CSMD2: variants seen among roughly 807,000 people sequenced by gnomAD.
CSMD2 encodes the protein CUB and sushi domain-containing protein 2.
In CSMD2, 130 loss-of-function variants were observed where a neutral mutation model predicts 398.5. That is an observed-to-expected ratio of 0.33 (90% CI 0.28 to 0.38). CSMD2 has a LOEUF of 0.38. CSMD2 is among the 10% of genes least tolerant of loss of function. The pLI, the probability that CSMD2 is intolerant of heterozygous loss-of-function variation, is 1.00. For synonymous variants in CSMD2, 1,828 were observed against 1,908.5 expected, an observed-to-expected ratio of 0.96 and a Z score of 1.10; for missense variants, 3,829 against 4,764.9, an observed-to-expected ratio of 0.80 and a Z score of 5.78.
In CSMD2 at chr1:33,551,468, T is replaced by G. The variant is rs1247879788; in HGVS notation, c.8744-1118A>C. ...TAATGTCTTGGAGTCTGGTAGGAGA[T>G]CCCTGTAGACATCATACCCAGAAAG... On this transcript the variant is annotated intron_variant, in intron 55 of 70. Transcript: ENST00000373381. Among the ~76,000 whole-genome samples the G allele has an allele frequency of 8.5e-5, 13 of 152,232 alleles. No individual in the cohort carries two copies. The East Asian group carries it at 2.5e-3, about 29-fold the overall frequency.
chr1:33,563,323 A>G (rs1359287961), intron 53 of CSMD2, among the ~76,000 whole-genome samples: 1 of 152,100 alleles, frequency 6.6e-6, no homozygotes, highest in African/African-American at 2.4e-5. Flanking sequence ...CTAAGGAGGC[A>G]GGAGGGAAGG....
intron 12 of CSMD2, among the ~76,000 whole-genome samples, chr1:33,775,390 G>A (rs1380581019): frequency 6.6e-6 from 1 of 152,154 alleles, no homozygotes; most frequent in Non-Finnish European, 1.5e-5. Flanking sequence ...TGCATTAAGT[G>A]TTATTTATCT....
At chr1:34,098,582 G>A (rs1659636909) in intron 1 of CSMD2, among the ~76,000 whole-genome samples, 1 of 151,882 alleles carries the variant, frequency 6.6e-6, no homozygotes, top group Admixed American at 6.6e-5. Flanking sequence ...TGGTCCAGGA[G>A]TAAACAGGTA....
At chr1:33,642,368 A>G (rs564758466) in intron 29 of CSMD2, among the ~76,000 whole-genome samples, 80 of 150,840 alleles carry the variant, frequency 5.3e-4, no homozygotes, top group African/African-American at 1.9e-3. Flanking sequence ...AAAAAAAAGG[A>G]AAGAAAACAA....
chr1:33,852,802 G>C (rs1045838866), intron 5 of CSMD2, among the ~76,000 whole-genome samples: 1 of 152,218 alleles, frequency 6.6e-6, no homozygotes, highest in Admixed American at 6.5e-5. Flanking sequence ...GCAAACTATA[G>C]CTTGCTGCCT....
At chr1:34,162,953 G>A (rs1178218405) in intron 1 of CSMD2, among the ~76,000 whole-genome samples, 1 of 152,220 alleles carries the variant, frequency 6.6e-6, no homozygotes. Flanking sequence ...ACTACCCCAA[G>A]CCATGAACAC....
rs982365873 is a variant in CSMD2 at position 33,518,241 on chromosome 1, G to A, written c.*53+1224C>T. Among the ~76,000 whole-genome samples the A allele has an allele frequency of 7.9e-5, 12 of 152,376 alleles. No individual in the cohort carries two copies. Among genetic ancestry groups the A allele is most frequent in the East Asian group, 7.7e-4 (4 of 5,184 alleles). ...CTCAGAGGGGTGCAGCTTGGACATCGTGTTGGGGCAACTCCTGAAGGGTCA... is the reference window on the plus strand; with the variant it reads ...CTCAGAGGGGTGCAGCTTGGACATCATGTTGGGGCAACTCCTGAAGGGTCA... On this transcript the variant is annotated intron_variant, in intron 70 of 70. Coordinates refer to ENST00000373381, the MANE Select transcript of CSMD2 (RefSeq NM_001281956.2). The surrounding 1 kb of genome is among the most constrained non-coding windows in gnomAD (Gnocchi z 4.3).
chr1:33,552,311 G>A (rs140286881), intron 55 of CSMD2, among the ~76,000 whole-genome samples: 158 of 152,308 alleles, frequency 1.0e-3, no homozygotes, highest in African/African-American at 3.6e-3. Context: ...TGGTAGAAAC[G>A]GAAAATGGTG....
chr1:33,684,288 T>C (rs1013598448), intron 25 of CSMD2, among the ~76,000 whole-genome samples: 6 of 152,192 alleles, frequency 3.9e-5, no homozygotes, highest in Non-Finnish European at 8.8e-5. Flanking sequence ...TCCCTGTGTG[T>C]TAATCATTAA....
chr1:33,645,010 A>G (rs753261149), intron 29 of CSMD2, among the ~76,000 whole-genome samples: 12 of 152,172 alleles, frequency 7.9e-5, no homozygotes, highest in Non-Finnish European at 1.6e-4. Flanking sequence ...GAGGAGTCCA[A>G]TGAGTTGATG....
At chr1:33,832,760 T>G (rs79024726) in intron 6 of CSMD2, among the ~76,000 whole-genome samples, 44,368 of 150,790 alleles carry the variant, frequency 0.29, 7,206 homozygotes, top group South Asian at 0.47. Context: ...CTAGCAAGAC[T>G]AATAAAGAAG....
intron 3 of CSMD2, among the ~76,000 whole-genome samples, chr1:33,938,273 A>T (rs1302767517): frequency 1.3e-5 from 2 of 151,716 alleles, no homozygotes; most frequent in Non-Finnish European, 3.0e-5. Context: ...AGCATTTCCC[A>T]TGATCCTGTG....
At chr1:33,864,509 C>A (rs1339652969) in intron 5 of CSMD2, 4 of 1,614,004 alleles carry the variant, frequency 2.5e-6, no homozygotes, top group Non-Finnish European at 3.4e-6. Flanking sequence ...TCTGCCAAGA[C>A]CACTATGCTC....
At chr1:33,673,616 C>T (rs984919309) in intron 25 of CSMD2, among the ~76,000 whole-genome samples, 1 of 152,108 alleles carries the variant, frequency 6.6e-6, no homozygotes, top group Non-Finnish European at 1.5e-5. Flanking sequence ...GAGAGCACCA[C>T]AAAGATACTC....
intron 28 of CSMD2, among the ~76,000 whole-genome samples, chr1:33,651,704 G>A (rs1049149800): frequency 6.6e-6 from 1 of 152,226 alleles, no homozygotes; most frequent in Non-Finnish European, 1.5e-5. Flanking sequence ...GGGTGATCAA[G>A]AGGTGGAGTG....
At chr1:33,855,928 AGGTTAAG>A (rs1288978394) in intron 5 of CSMD2, among the ~76,000 whole-genome samples, 5 of 152,230 alleles carry the variant, frequency 3.3e-5, no homozygotes, top group Non-Finnish European at 7.3e-5. Flanking sequence ...AGGTTTAAAA[AGGTTAAG>A]GGTTAAGGGC....
At position 33,617,555 on chromosome 1, in the gene CSMD2, G is replaced by C; in HGVS notation, c.5890C>G (p.Arg1964Gly). The change falls in exon 38 of 71, where the codon CGC becomes GGC. Residue 1964 changes from arginine to glycine, a missense_variant. By Grantham distance (125) the Arg-to-Gly change is moderately radical (BLOSUM62 -2). Transcript: ENST00000373381. ...GACACCACATCATTCACCAAGTAGC[G>C]CTCGCCAGTCTTCACCCCGTTACTG... ...VPSNGVKTGE[R>G]YLVNDVVSFQ... 7 of 1,614,088 alleles carry C rather than the reference G, an allele frequency of 4.3e-6. No individual in the cohort carries two copies. The highest frequency in any genetic ancestry group is 5.9e-6 in the Non-Finnish European group (7 of 1,179,996).
intron 12 of CSMD2, among the ~76,000 whole-genome samples, chr1:33,775,667 G>C (rs1651873790): frequency 6.6e-6 from 1 of 152,198 alleles, no homozygotes; most frequent in Non-Finnish European, 1.5e-5. Flanking sequence ...TGAGTTTTAA[G>C]GTACTAGTGG....
chr1:33,881,031 A>G (rs1353598702), intron 5 of CSMD2, among the ~76,000 whole-genome samples: 8 of 152,200 alleles, frequency 5.3e-5, no homozygotes, highest in African/African-American at 1.7e-4. Context: ...CACAAGGCAA[A>G]CAAGGCACAT....
Sources: allele counts gnomAD v4.1 joint callset (sites outside exome capture counted in the v4.1 genomes callset), GRCh38; gene constraint gnomAD v4.1.1; non-coding constraint Gnocchi (gnomAD v3.1); transcripts MANE v1.5; gene names NCBI Gene and HGNC (gene_info 2026-07-23, HGNC 2026-07-21).